The following CALN1 variants were observed in gnomAD, a reference collection of about 807,000 sequenced individuals.
The protein encoded by CALN1 is calcium-binding protein 8.
CALN1 carries 17 observed loss-of-function variants against 30.6 expected under a neutral mutation model. The observed-to-expected ratio is 0.56, with a 90% CI of 0.38 to 0.83. CALN1 has a LOEUF of 0.83. CALN1 is among the 40% of genes least tolerant of loss of function. The pLI, the probability that CALN1 is intolerant of heterozygous loss-of-function variation, is 0.00. For synonymous variants in CALN1, 156 were observed against 131.4 expected, an observed-to-expected ratio of 1.19 and a Z score of -1.28; for missense variants, 291 against 354.9, an observed-to-expected ratio of 0.82 and a Z score of 1.45.
the CALN1 span, among the ~76,000 whole-genome samples, chr7:72,469,076 T>C: frequency 1.3e-5 from 2 of 152,244 alleles, no homozygotes; most frequent in Non-Finnish European, 2.9e-5. Flanking sequence ...TGAATGTTTC[T>C]ATTTTTCTTC....
At chr7:71,790,288 C>A (rs1053350316) in intron 6 of CALN1, among the ~76,000 whole-genome samples, 2 of 126,386 alleles carry the variant, frequency 1.6e-5, no homozygotes, top group Admixed American at 8.4e-5. Flanking sequence ...AAGAAAGAAA[C>A]GAAGGAAGGA....
chr7:72,359,952 G>C (rs1803464981), intron 2 of CALN1, among the ~76,000 whole-genome samples: 1 of 117,412 alleles, frequency 8.5e-6, no homozygotes, highest in South Asian at 2.9e-4. Flanking sequence ...ACTCCAGCTT[G>C]GGTGACAGAG....
At chr7:71,793,644 G>C (rs1262303679) in intron 6 of CALN1, among the ~76,000 whole-genome samples, 1 of 152,084 alleles carries the variant, frequency 6.6e-6, no homozygotes, top group Non-Finnish European at 1.5e-5. Context: ...GGTTGAGGTG[G>C]GTGGATCGCC....
chr7:72,296,109 T>C (rs1229203299), intron 2 of CALN1, among the ~76,000 whole-genome samples: 1 of 152,080 alleles, frequency 6.6e-6, no homozygotes, highest in African/African-American at 2.4e-5. Context: ...TTTCTGCATC[T>C]ATTGAGATAA....
chr7:72,454,081 T>G, the CALN1 span, among the ~76,000 whole-genome samples: 1 of 151,974 alleles, frequency 6.6e-6, no homozygotes, highest in Non-Finnish European at 1.5e-5. Flanking sequence ...TGTTATCTAA[T>G]TGTGTTAGGT....
At chr7:72,376,063 T>C (rs563866963) in intron 2 of CALN1, among the ~76,000 whole-genome samples, 2 of 152,370 alleles carry the variant, frequency 1.3e-5, no homozygotes, top group South Asian at 2.1e-4. Context: ...GGTTTAGCCA[T>C]ATTTGTATTT....
At chr7:72,498,401 AAG>A in the CALN1 span, among the ~76,000 whole-genome samples, 3 of 151,530 alleles carry the variant, frequency 2.0e-5, no homozygotes, top group African/African-American at 7.3e-5. Flanking sequence ...AAAAACCAAA[AAG>A]AAATAGAAAA....
chr7:71,933,255 T>G (rs564412274), intron 5 of CALN1, among the ~76,000 whole-genome samples: 1 of 151,918 alleles, frequency 6.6e-6, no homozygotes, highest in Non-Finnish European at 1.5e-5. Flanking sequence ...ATAATAAGAG[T>G]AGGGTGAGGT....
At chr7:72,199,035 G>T (rs1791232968) in intron 3 of CALN1, among the ~76,000 whole-genome samples, 1 of 152,188 alleles carries the variant, frequency 6.6e-6, no homozygotes, top group Non-Finnish European at 1.5e-5. Context: ...AGCACGTTGG[G>T]AGGCAGAGGC....
At position 72,140,332 on chromosome 7, in the gene CALN1, AAGGAAGGAAGGGAGGGAGGG is replaced by A. The variant is rs1277678470; in HGVS notation, c.245-34058_245-34039del. Among the ~76,000 whole-genome samples the A allele has an allele frequency of 5.1e-3, 418 of 82,592 alleles. 8 individuals carry two copies. The highest frequency in any genetic ancestry group is 7.6e-3 in the South Asian group (14 of 1,842). 54.2% of individuals were successfully genotyped at this position (82,592 alleles called of 152,430 possible). The stretch of plus-strand genomic sequence containing the variant: ...GAAAGAGAGGAACAGAGAAAGGGAG[AAGGAAGGAAGGGAGGGAGGG>A]AGGGAGGGAGGGAGGGAGGGAGGGA... On this transcript the variant is annotated intron_variant, in intron 3 of 6. Coordinates refer to ENST00000395275, the MANE Select transcript of CALN1 (RefSeq NM_031468.4).
intron 3 of CALN1, among the ~76,000 whole-genome samples, chr7:72,142,155 G>A (rs888816530): frequency 6.6e-6 from 1 of 152,198 alleles, no homozygotes; most frequent in African/African-American, 2.4e-5. Context: ...CACCAAGCAT[G>A]AGCCGAAGCA....
intron 5 of CALN1, among the ~76,000 whole-genome samples, chr7:72,002,774 GA>G (rs1457981046): frequency 1.3e-5 from 2 of 152,148 alleles, no homozygotes; most frequent in East Asian, 3.9e-4. Flanking sequence ...GATGAACTTG[GA>G]GGACATTATG....
intron 2 of CALN1, among the ~76,000 whole-genome samples, chr7:72,368,197 A>ATG (rs1024218631): frequency 6.6e-6 from 1 of 151,060 alleles, no homozygotes; most frequent in Non-Finnish European, 1.5e-5. Context: ...GTATATATAT[A>ATG]TGTGTGTGTA....
chr7:72,030,564 C>T (rs1801371759), intron 4 of CALN1, among the ~76,000 whole-genome samples: 1 of 152,116 alleles, frequency 6.6e-6, no homozygotes, highest in Non-Finnish European at 1.5e-5. Context: ...CCCCCACACC[C>T]TCAACCTTAG....
intron 3 of CALN1, among the ~76,000 whole-genome samples, chr7:72,121,531 C>G (rs1430365233): frequency 6.8e-6 from 1 of 148,040 alleles, no homozygotes; most frequent in African/African-American, 2.5e-5. Context: ...ACATGAGTCC[C>G]TCAGCTTCCT....
intron 1 of CALN1, among the ~76,000 whole-genome samples, chr7:72,432,483 ATAGATGC>A (rs1808008885): frequency 6.6e-6 from 1 of 152,090 alleles, no homozygotes; most frequent in Non-Finnish European, 1.5e-5. Context: ...CTTTCATCAC[ATAGATGC>A]TGGGTCTGTA....
At chr7:72,449,918 T>C (rs1808627967), upstream of CALN1, among the ~76,000 whole-genome samples, 1 of 137,686 alleles carries the variant, frequency 7.3e-6, no homozygotes, top group African/African-American at 2.7e-5. Context: ...TTCGGTCAGC[T>C]ATTTAGGCTG....
intron 1 of CALN1, among the ~76,000 whole-genome samples, chr7:72,446,387 C>T (rs1808526675): frequency 6.6e-6 from 1 of 152,166 alleles, no homozygotes; most frequent in African/African-American, 2.4e-5. Flanking sequence ...GCCACAGAAC[C>T]TGAGACTCGG....
At chr7:72,399,978 C>T (rs1806229062) in intron 2 of CALN1, among the ~76,000 whole-genome samples, 1 of 152,136 alleles carries the variant, frequency 6.6e-6, no homozygotes, top group Admixed American at 6.6e-5. Context: ...ATGCCTGCTC[C>T]CCCTTTGCGT....
Sources: gnomAD v4.1 joint callset for allele counts (sites outside exome capture counted in the v4.1 genomes callset) on GRCh38, gnomAD v4.1.1 for gene constraint, MANE v1.5 for transcripts, NCBI Gene and HGNC (gene_info 2026-07-23, HGNC 2026-07-21) for gene names.